Variants in FBXO36 observed in about 807,000 individuals in gnomAD.
FBXO36 encodes F-box protein 36, also known as F-box only protein 36.
In FBXO36, 18 loss-of-function variants were observed where a neutral mutation model predicts 17.0. The ratio of observed to expected loss-of-function variants is 1.06; its 90% CI spans 0.73 to 1.57. The LOEUF is 1.57. Ranked by LOEUF, FBXO36 falls within the 40% of genes most tolerant of loss-of-function variation. The pLI is 0.00. For missense variants in FBXO36, 229 were observed against 221.9 expected (o/e 1.03, Z -0.20); for synonymous variants, 83 against 85.3 (o/e 0.97, Z 0.15).
At chr2:229,971,880 G>T (rs1470356324) in intron 1 of FBXO36, among the ~76,000 whole-genome samples, 1 of 151,036 alleles carries the variant, frequency 6.6e-6, no homozygotes, top group East Asian at 1.9e-4. Flanking sequence ...GCCTCACTGT[G>T]TTGACTAGGC....
chr2:229,943,286 T>G (rs2077009652), intron 1 of FBXO36: 1 of 152,204 alleles, frequency 6.6e-6, no homozygotes, highest in South Asian at 2.1e-4. Context: ...CTCTTTTCTT[T>G]GCTCAAATCA....
chr2:229,980,312 C>T (rs962770936), intron 2 of FBXO36, among the ~76,000 whole-genome samples: 10 of 146,406 alleles, frequency 6.8e-5, no homozygotes, highest in Non-Finnish European at 3.1e-5. Context: ...CTGGCTGCCT[C>T]GGCCTCCCAA....
chr2:229,933,281 G>A (rs921520525), intron 1 of FBXO36, among the ~76,000 whole-genome samples: 4 of 151,856 alleles, frequency 2.6e-5, no homozygotes, highest in East Asian at 1.9e-4. Context: ...CTAGCTACTC[G>A]GGAGACTGAG....
chr2:229,985,931 C>T (rs2077265591), intron 2 of FBXO36, among the ~76,000 whole-genome samples: 1 of 151,940 alleles, frequency 6.6e-6, no homozygotes, highest in African/African-American at 2.4e-5. Context: ...GCCTGTAGTC[C>T]CAGCTACTTG....
intron 1 of FBXO36, among the ~76,000 whole-genome samples, chr2:229,966,677 G>C (rs1250534153): frequency 1.3e-5 from 2 of 152,220 alleles, no homozygotes; most frequent in Admixed American, 6.5e-5. Flanking sequence ...GTTTGTCAAA[G>C]ACCAGATGGT....
intron 1 of FBXO36, chr2:229,932,829 G>T: frequency 3.9e-6 from 1 of 253,648 alleles, no homozygotes; most frequent in Non-Finnish European, 8.3e-6. Flanking sequence ...CAGCACTTTG[G>T]GAGGCCGAGC....
At chr2:229,996,678 G>C (rs940086782) in intron 2 of FBXO36, 73 bp from the exon 3 acceptor site, 2 of 1,468,974 alleles carry the variant, frequency 1.4e-6, no homozygotes, top group Non-Finnish European at 1.8e-6. Context: ...CCTGAAGCTT[G>C]TATTTCACTG....
chr2:229,969,582 G>T (rs2077171006), intron 1 of FBXO36, among the ~76,000 whole-genome samples: 1 of 152,118 alleles, frequency 6.6e-6, no homozygotes, highest in Non-Finnish European at 1.5e-5. Flanking sequence ...CAGCTACTCA[G>T]TAGGCTGAGA....
intron 2 of FBXO36, among the ~76,000 whole-genome samples, chr2:229,989,202 A>G (rs1004394848): frequency 6.6e-6 from 1 of 152,134 alleles, no homozygotes; most frequent in Non-Finnish European, 1.5e-5. Context: ...GTTGACATTC[A>G]GATCATTTTG....
intron 1 of FBXO36, among the ~76,000 whole-genome samples, chr2:229,954,097 C>T (rs1016708385): frequency 1.3e-5 from 2 of 152,074 alleles, no homozygotes; most frequent in African/African-American, 2.4e-5. Flanking sequence ...CTCCTGGCAT[C>T]AAGCTCTTTT....
intron 2 of FBXO36, among the ~76,000 whole-genome samples, chr2:229,979,896 T>A (rs1161330980): frequency 1.3e-5 from 2 of 151,488 alleles, no homozygotes; most frequent in Admixed American, 1.3e-4. Flanking sequence ...AAAAGAACAA[T>A]CATATTGGCA....
intron 1 of FBXO36, among the ~76,000 whole-genome samples, chr2:229,929,427 G>T (rs112364880): frequency 5.3e-5 from 8 of 151,988 alleles, no homozygotes; most frequent in Non-Finnish European, 1.0e-4. Flanking sequence ...TTAGCCAGGC[G>T]TGGGAGCGGG....
chr2:229,996,713 C>T (rs2077329347), intron 2 of FBXO36, 38 bp from the exon 3 acceptor site: 1 of 1,564,710 alleles, frequency 6.4e-7, no homozygotes, highest in Non-Finnish European at 8.7e-7. Flanking sequence ...TTTTATGTGA[C>T]TGTATATGAT....
At chr2:229,954,330 C>T (rs2077073618) in intron 1 of FBXO36, among the ~76,000 whole-genome samples, 2 of 141,596 alleles carry the variant, frequency 1.4e-5, no homozygotes, top group South Asian at 2.3e-4. Flanking sequence ...GCAACCTCCG[C>T]CCCCTGGGTT....
chr2:230,000,882 G>A (rs1447388891), intron 3 of FBXO36, among the ~76,000 whole-genome samples: 2 of 127,056 alleles, frequency 1.6e-5, no homozygotes, highest in Admixed American at 9.3e-5. Flanking sequence ...TTGAGTCAGA[G>A]TCTCGCTCGG....
At position 229,979,040 on chromosome 2, in the gene FBXO36, G is replaced by T. The variant is rs1451501706; in HGVS notation, c.205+2691G>T. On this transcript the variant is annotated intron_variant, in intron 2 of 3. Transcript: ENST00000283946. ...AAAAATATAAAAATTAGCCGGGCGT[G>T]GGGGCAGGCGCCTGTAATCCCTGCT... Among the ~76,000 whole-genome samples the T allele has an allele frequency of 2.6e-5, 4 of 151,834 alleles. No individual in the cohort carries two copies. In the East Asian group the frequency reaches 7.7e-4, roughly 29 times the overall value.
At chr2:229,928,969 TTTCA>T (rs1190410699) in intron 1 of FBXO36, among the ~76,000 whole-genome samples, 2 of 32,270 alleles carry the variant, frequency 6.2e-5, no homozygotes, top group East Asian at 1.2e-3. Flanking sequence ...CTTTTTTTCT[TTTCA>T]TTTTTTTTTT....
chr2:229,930,131 C>T (rs917975512), intron 1 of FBXO36, among the ~76,000 whole-genome samples: 3 of 152,116 alleles, frequency 2.0e-5, no homozygotes, highest in East Asian at 1.9e-4. Context: ...AAAGATCACT[C>T]GAGGCCAGGA....
intron 1 of FBXO36, chr2:229,943,052 A>G (rs1304184211): frequency 1.3e-5 from 2 of 152,220 alleles, no homozygotes; most frequent in Non-Finnish European, 2.9e-5. Flanking sequence ...AATCCAAGCC[A>G]ATGAGATGCT....
Sources: allele counts gnomAD v4.1 joint callset (sites outside exome capture counted in the v4.1 genomes callset), GRCh38; gene constraint gnomAD v4.1.1; transcripts MANE v1.5; gene names NCBI Gene and HGNC (gene_info 2026-07-23, HGNC 2026-07-21).